OTOP1: variants seen among roughly 807,000 people sequenced by gnomAD.
OTOP1 encodes proton channel OTOP1.
Under a neutral mutation model 52.9 loss-of-function variants are expected in OTOP1, and 59 were observed. The observed-to-expected ratio is 1.12, with a 90% CI of 0.91 to 1.39. The LOEUF is 1.39. Ranked by LOEUF, OTOP1 falls within the 40% of genes most tolerant of loss-of-function variation. The probability of loss-of-function intolerance (pLI) is 0.00; values close to 1 mark genes in which losing one functional copy is unlikely to be tolerated. For missense variants in OTOP1, 761 were observed against 800.9 expected (o/e 0.95, Z 0.60); for synonymous variants, 317 against 337.7 (o/e 0.94, Z 0.67).
At chr4:4,216,556 C>T (rs1717156780) in intron 1 of OTOP1, among the ~76,000 whole-genome samples, 2 of 152,192 alleles carry the variant, frequency 1.3e-5, no homozygotes, top group Non-Finnish European at 2.9e-5. Context: ...AATGCAATCG[C>T]CTGGCGCTTT....
chr4:4,204,775 C>CT (rs1212550995), intron 3 of OTOP1, among the ~76,000 whole-genome samples: 3 of 149,718 alleles, frequency 2.0e-5, no homozygotes, highest in South Asian at 2.1e-4. Context: ...TTTCTTTCTT[C>CT]TTTTTTTTCT....
chr4:4,202,416 C>T, intron 4 of OTOP1, 32 bp downstream of exon 4: 2 of 1,611,496 alleles, frequency 1.2e-6, no homozygotes, highest in Non-Finnish European at 1.7e-6. Flanking sequence ...TCCAACATGG[C>T]AGAAGGGCCA....
intron 2 of OTOP1, among the ~76,000 whole-genome samples, chr4:4,207,013 A>G (rs1716918482): frequency 6.6e-6 from 1 of 152,360 alleles, no homozygotes; most frequent in African/African-American, 2.4e-5. Context: ...AAACACTGGT[A>G]GGCATTTTAT....
At chr4:4,201,491 C>CACACACACACAT (rs1197698866) in intron 4 of OTOP1, among the ~76,000 whole-genome samples, 4 of 151,250 alleles carry the variant, frequency 2.6e-5, no homozygotes, top group South Asian at 2.1e-4. Flanking sequence ...CACACACACA[C>CACACACACACAT]ACACACACAT....
At chr4:4,208,618 C>T (rs1017084308) in intron 2 of OTOP1, among the ~76,000 whole-genome samples, 6 of 151,934 alleles carry the variant, frequency 3.9e-5, no homozygotes, top group South Asian at 4.2e-4. Context: ...TGCCAAAAGC[C>T]GGAGGAGGAG....
intron 1 of OTOP1, 24 bp from the exon 2 acceptor site, chr4:4,213,028 G>A (rs1229290544): frequency 1.2e-6 from 2 of 1,610,860 alleles, no homozygotes; most frequent in Admixed American, 1.7e-5. Flanking sequence ...GAAGGGGGAA[G>A]TGGAAACACA....
chr4:4,192,631 G>A lies in OTOP1; in HGVS notation c.1669-3658C>T, dbSNP rs914010731. On this transcript the variant is annotated intron_variant, in intron 5 of 5. Transcript: ENST00000296358. ...ACTGACCTCCACCCACTGCTCCCAAGGTTGCCCCTCCTCCAGGGTCCTCCA... is the reference window on the plus strand; with the variant it reads ...ACTGACCTCCACCCACTGCTCCCAAAGTTGCCCCTCCTCCAGGGTCCTCCA... 2.0e-5 allele frequency among the ~76,000 whole-genome samples: 3 copies of A among 152,254 alleles called. No homozygotes were observed. In the East Asian group the frequency reaches 5.8e-4, roughly 29 times the overall value.
intron 2 of OTOP1, among the ~76,000 whole-genome samples, chr4:4,209,258 G>A (rs1369640992): frequency 6.6e-6 from 1 of 152,050 alleles, no homozygotes; most frequent in African/African-American, 2.4e-5. Flanking sequence ...TACAGGTTTG[G>A]CAGTATTTGC....
At chr4:4,213,104 T>A in intron 1 of OTOP1, 100 bp from the exon 2 acceptor site, 2 of 1,399,330 alleles carry the variant, frequency 1.4e-6, no homozygotes, top group Admixed American at 4.1e-5. Context: ...AACCCTTATG[T>A]ATATGGTCAA....
In OTOP1 at chr4:4,205,439, A is replaced by G. The variant is rs540209950; in HGVS notation, c.599+633T>C. Among the ~76,000 whole-genome samples, 18 of 152,320 alleles carry G rather than the reference A, an allele frequency of 1.2e-4. No homozygotes were observed. In the East Asian group the frequency reaches 3.5e-3, roughly 29 times the overall value. On this transcript the variant is annotated intron_variant, in intron 3 of 5. Coordinates refer to ENST00000296358, the MANE Select transcript of OTOP1 (RefSeq NM_177998.3). Reference sequence around the variant, plus strand: ...TTGCTACCTCCCCTTCCTTTCCTGCATACAGAAAGAGATGTGAGTTTTGTT... The same window carrying G: ...TTGCTACCTCCCCTTCCTTTCCTGCGTACAGAAAGAGATGTGAGTTTTGTT...
intron 3 of OTOP1, among the ~76,000 whole-genome samples, chr4:4,204,307 C>T (rs1716850648): frequency 6.6e-6 from 1 of 152,272 alleles, no homozygotes; most frequent in South Asian, 2.1e-4. Context: ...AGATCATGGC[C>T]AGCCTTCCCC....
Position 4,221,495 on chromosome 4 carries a change from G to T in OTOP1, c.403+4967C>A, listed in dbSNP as rs533442213. ...TGTTGCCTCCTCCCTGAACCTCTCAGCCTTCCTGCAGACCTGGGCTCCTCC... is the reference window on the plus strand; with the variant it reads ...TGTTGCCTCCTCCCTGAACCTCTCATCCTTCCTGCAGACCTGGGCTCCTCC... On this transcript the variant is annotated intron_variant, in intron 1 of 5. Transcript: ENST00000296358. 7.9e-5 allele frequency among the ~76,000 whole-genome samples: 12 copies of T among 152,274 alleles called. No homozygotes were observed. The South Asian group carries it at 8.3e-4, about 11-fold the overall frequency.
At chr4:4,205,611 A>G (rs1716888680) in intron 3 of OTOP1, among the ~76,000 whole-genome samples, 1 of 152,194 alleles carries the variant, frequency 6.6e-6, no homozygotes, top group Non-Finnish European at 1.5e-5. Context: ...CCCCTAAACC[A>G]CTGCCTTAAG....
intron 3 of OTOP1, among the ~76,000 whole-genome samples, chr4:4,205,730 C>T (rs1716891427): frequency 6.6e-6 from 1 of 152,176 alleles, no homozygotes; most frequent in Non-Finnish European, 1.5e-5. Flanking sequence ...TTCAGGACAG[C>T]ACCTCAACTG....
chr4:4,208,014 T>C (rs559940816), intron 2 of OTOP1, among the ~76,000 whole-genome samples: 10 of 152,284 alleles, frequency 6.6e-5, no homozygotes, highest in Non-Finnish European at 1.5e-4. Flanking sequence ...GAATAGTTGC[T>C]TATGCATCCG....
chr4:4,188,832 A>T lies in OTOP1; in HGVS notation c.1810T>A (p.Ser604Thr). The change falls in exon 6 of 6, where the codon TCC becomes ACC. Residue 604 changes from serine (S) to threonine (T), a missense_variant. Physicochemically the swap from Ser to Thr is moderately conservative, Grantham distance 58. Transcript: ENST00000296358. ...SIFYRMHAAA[S>T]LFEVYCKI ...ATCTTACAATAGACCTCAAAGAGGGAGGCAGCTGCGTGCATTCGATAGAAA... is the reference window on the plus strand; with the variant it reads ...ATCTTACAATAGACCTCAAAGAGGGTGGCAGCTGCGTGCATTCGATAGAAA... 6.2e-7 allele frequency: 1 copy of T among 1,613,810 alleles called. No individual in the cohort carries two copies. Among genetic ancestry groups the T allele is most frequent in the East Asian group, 2.2e-5 (1 of 44,888 alleles).
intron 1 of OTOP1, among the ~76,000 whole-genome samples, chr4:4,222,471 G>T (rs1717324346): frequency 6.6e-6 from 1 of 152,062 alleles, no homozygotes; most frequent in African/African-American, 2.4e-5. Flanking sequence ...GCTCAAGGAG[G>T]ATGAGACCCT....
At chr4:4,219,696 C>A (rs867628121) in intron 1 of OTOP1, among the ~76,000 whole-genome samples, 525 of 124,582 alleles carry the variant, frequency 4.2e-3, no homozygotes, top group Non-Finnish European at 4.3e-3. Flanking sequence ...GACTCTGTCT[C>A]AAAAAAAAAA....
chr4:4,226,326 A>C lies in OTOP1; in HGVS notation c.403+136T>G, dbSNP rs577157279. On this transcript the variant is annotated intron_variant, in intron 1 of 5. Coordinates refer to ENST00000296358, the MANE Select transcript of OTOP1 (RefSeq NM_177998.3). ...GAAAGGAAGGGCAGACAGGAAAGCT[A>C]GGAAAGATGCACAGAGAGACCAAGG... The C allele has an allele frequency of 3.5e-6, 3 of 865,830 alleles. No homozygotes were observed. The East Asian group carries it at 1.0e-4, about 29-fold the overall frequency. 53.6% of individuals were successfully genotyped at this position (865,830 alleles called of 1,614,324 possible). A position where few individuals can be genotyped will look rare whatever the true frequency, so the allele number is the denominator to read the frequency against.
Sources: gnomAD v4.1 joint callset for allele counts (sites outside exome capture counted in the v4.1 genomes callset) on GRCh38, gnomAD v4.1.1 for gene constraint, MANE v1.5 for transcripts, NCBI Gene and HGNC (gene_info 2026-07-23, HGNC 2026-07-21) for gene names.